The following OCA2 variants were observed in gnomAD, a reference collection of about 807,000 sequenced individuals.
OCA2 encodes the protein P protein.
Under a neutral mutation model 100.2 loss-of-function variants are expected in OCA2, and 77 were observed. The ratio of observed to expected loss-of-function variants is 0.77; its 90% CI spans 0.64 to 0.93. The LOEUF (loss-of-function observed/expected upper bound fraction) is 0.93, where lower values mean the gene tolerates loss of function less well. Ranked by LOEUF, OCA2 falls within the 40% of genes least tolerant of loss-of-function variation. The pLI, the probability that OCA2 is intolerant of heterozygous loss-of-function variation, is 0.00. For missense variants in OCA2, 1,062 were observed against 1,089.1 expected (o/e 0.98, Z 0.35); for synonymous variants, 432 against 439.2 (o/e 0.98, Z 0.21).
chr15:27,914,780 A>G (rs1456732003), intron 19 of OCA2, among the ~76,000 whole-genome samples: 1 of 152,222 alleles, frequency 6.6e-6, no homozygotes, highest in Non-Finnish European at 1.5e-5. Flanking sequence ...TAAAATGGCC[A>G]TAATGCCCAA....
intron 15 of OCA2, among the ~76,000 whole-genome samples, chr15:27,958,244 C>CT (rs1165778370): frequency 1.3e-5 from 2 of 152,232 alleles, no homozygotes; most frequent in African/African-American, 4.8e-5. Context: ...AATTTCAACA[C>CT]TTTCAGTGAA....
chr15:27,909,919 T>C (rs894895100), intron 19 of OCA2, among the ~76,000 whole-genome samples: 3 of 151,962 alleles, frequency 2.0e-5, no homozygotes, highest in East Asian at 1.9e-4. Flanking sequence ...AGACACACTA[T>C]AAAAAGTCAC....
chr15:27,968,797 A>G (rs1010163816), intron 14 of OCA2, among the ~76,000 whole-genome samples: 1 of 152,186 alleles, frequency 6.6e-6, no homozygotes, highest in African/African-American at 2.4e-5. Flanking sequence ...AACCACACAG[A>G]GGCGGGACTC....
At chr15:27,848,395 T>C (rs535921220) in intron 22 of OCA2, among the ~76,000 whole-genome samples, 3 of 152,352 alleles carry the variant, frequency 2.0e-5, no homozygotes, top group Admixed American at 6.5e-5. Context: ...TTTAATAAGA[T>C]ACCAGTGGGG....
intron 19 of OCA2, among the ~76,000 whole-genome samples, chr15:27,922,894 A>G (rs894674105): frequency 3.3e-5 from 5 of 152,010 alleles, no homozygotes; most frequent in African/African-American, 1.2e-4. Context: ...TTTGTTGTAC[A>G]GATTATTTTG....
intron 23 of OCA2, among the ~76,000 whole-genome samples, chr15:27,819,182 C>T (rs1053567758): frequency 6.6e-6 from 1 of 152,232 alleles, no homozygotes; most frequent in African/African-American, 2.4e-5. Flanking sequence ...AACTAAGGAA[C>T]ATACACCCAA....
intron 23 of OCA2, among the ~76,000 whole-genome samples, chr15:27,824,602 C>CTCTCTCTCTCTCTCTA: frequency 3.2e-4 from 15 of 47,592 alleles, no homozygotes; most frequent in East Asian, 0.019. Context: ...CTCTCTCTCT[C>CTCTCTCTCTCTCTCTA]TATATATATA....
chr15:27,870,389 G>A (rs2036499073), intron 21 of OCA2, among the ~76,000 whole-genome samples: 2 of 152,164 alleles, frequency 1.3e-5, no homozygotes, highest in Admixed American at 1.3e-4. Flanking sequence ...GCAAGCCCCT[G>A]GGCCTATCTT....
At chr15:27,984,721 T>C (rs970293549) in intron 13 of OCA2, among the ~76,000 whole-genome samples, 3 of 152,068 alleles carry the variant, frequency 2.0e-5, no homozygotes, top group Admixed American at 1.3e-4. Flanking sequence ...CCACCACGCC[T>C]GGCTAATTTC....
At chr15:27,877,912 G>T (rs935990803) in intron 19 of OCA2, among the ~76,000 whole-genome samples, 1 of 151,082 alleles carries the variant, frequency 6.6e-6, no homozygotes, top group Non-Finnish European at 1.5e-5. Flanking sequence ...ATTCATTTCT[G>T]TGCCCATTTT....
chr15:27,998,969 T>G (rs1465581785), intron 9 of OCA2, among the ~76,000 whole-genome samples: 1 of 151,748 alleles, frequency 6.6e-6, no homozygotes, highest in Admixed American at 6.6e-5. Context: ...AAACACCGCA[T>G]GTTCTCACTC....
chr15:27,837,260 A>G (rs1028324674), intron 23 of OCA2, among the ~76,000 whole-genome samples: 5 of 152,248 alleles, frequency 3.3e-5, no homozygotes, highest in African/African-American at 1.2e-4. Flanking sequence ...CATGGCAGAA[A>G]GAACGAGTTC....
chr15:28,039,312 T>C (rs375787368), intron 2 of OCA2, among the ~76,000 whole-genome samples: 1 of 152,144 alleles, frequency 6.6e-6, no homozygotes, highest in Non-Finnish European at 1.5e-5. Flanking sequence ...CTAACAGACA[T>C]ATACAAAACA....
chr15:27,929,125 T>C (rs914421515), intron 18 of OCA2, among the ~76,000 whole-genome samples: 2 of 152,226 alleles, frequency 1.3e-5, no homozygotes, highest in African/African-American at 4.8e-5. Flanking sequence ...AGCACTCTTT[T>C]GTGTAGAAAT....
intron 23 of OCA2, among the ~76,000 whole-genome samples, chr15:27,770,157 T>C (rs576648788): frequency 1.2e-4 from 18 of 152,304 alleles, no homozygotes; most frequent in African/African-American, 4.1e-4. Flanking sequence ...TCTCGGTCCC[T>C]GGAAACAAAG....
chr15:28,022,422 T>C, intron 6 of OCA2, 79 bp downstream of exon 6: 2 of 1,051,952 alleles, frequency 1.9e-6, no homozygotes, highest in Non-Finnish European at 3.0e-6. Flanking sequence ...TCAGCAGCAG[T>C]CACAACCGTC....
In OCA2 at chr15:27,771,671, A is replaced by T. The variant is rs193259245; in HGVS notation, c.2433-16199T>A. 1.8e-3 allele frequency among the ~76,000 whole-genome samples: 269 copies of T among 152,330 alleles called. 2 individuals carry two copies. The highest frequency in any genetic ancestry group is 6.3e-3 in the African/African-American group (260 of 41,568). On this transcript the variant is annotated intron_variant, in intron 23 of 23. Coordinates refer to ENST00000354638, the MANE Select transcript of OCA2 (RefSeq NM_000275.3). Reference sequence around the variant, plus strand: ...TTTAATAATACATGTTTTTCCAGAAAATCACCCATTGTGTGAAATCTGTAT... The same window carrying T: ...TTTAATAATACATGTTTTTCCAGAATATCACCCATTGTGTGAAATCTGTAT...
intron 5 of OCA2, among the ~76,000 whole-genome samples, chr15:28,024,427 C>G (rs1391990196): frequency 1.3e-5 from 2 of 152,246 alleles, no homozygotes; most frequent in Admixed American, 6.5e-5. Context: ...TACCGCTGGG[C>G]AGAGGCCCAG....
chr15:27,800,810 A>G (rs2033566832), intron 23 of OCA2, among the ~76,000 whole-genome samples: 1 of 151,568 alleles, frequency 6.6e-6, no homozygotes, highest in Admixed American at 6.6e-5. Flanking sequence ...ACCAAAAAAA[A>G]AAAAAAAATT....
Sources: gnomAD v4.1 joint callset for allele counts (sites outside exome capture counted in the v4.1 genomes callset) on GRCh38, gnomAD v4.1.1 for gene constraint, MANE v1.5 for transcripts, NCBI Gene and HGNC (gene_info 2026-07-23, HGNC 2026-07-21) for gene names.